Variants in PRELID2 observed in about 807,000 individuals in gnomAD.
The protein encoded by PRELID2 is PRELI domain containing 2.
Under a neutral mutation model 28.4 loss-of-function variants are expected in PRELID2, and 25 were observed. The ratio of observed to expected loss-of-function variants is 0.88; its 90% CI spans 0.64 to 1.23. PRELID2 has a LOEUF of 1.23. Among genes scored for constraint, PRELID2 ranks in the 50% most tolerant of loss-of-function variants. The probability of loss-of-function intolerance (pLI) is 0.00; values close to 1 mark genes in which losing one functional copy is unlikely to be tolerated. For synonymous variants in PRELID2, 76 were observed against 71.6 expected (o/e 1.06, Z -0.31); for missense variants, 201 against 214.4 (o/e 0.94, Z 0.39).
chr5:145,534,431 TA>T (rs781235610), intron 1 of PRELID2, among the ~76,000 whole-genome samples: 7 of 152,036 alleles, frequency 4.6e-5, no homozygotes, highest in African/African-American at 7.2e-5. Context: ...TGCAAATGTC[TA>T]AAAAGGGGCT....
intron 1 of PRELID2, among the ~76,000 whole-genome samples, chr5:145,738,514 T>C (rs978484235): frequency 6.6e-6 from 1 of 151,850 alleles, no homozygotes; most frequent in Non-Finnish European, 1.5e-5. Flanking sequence ...AATGGAAAAT[T>C]AGAACTGAAA....
At chr5:145,824,938 A>G (rs1024902119) in intron 1 of PRELID2, among the ~76,000 whole-genome samples, 3 of 152,050 alleles carry the variant, frequency 2.0e-5, no homozygotes, top group African/African-American at 7.2e-5. Flanking sequence ...AGAAAAAAAA[A>G]TGCTTGGCTG....
At chr5:145,449,294 G>T in the PRELID2 span, among the ~76,000 whole-genome samples, 1 of 152,098 alleles carries the variant, frequency 6.6e-6, no homozygotes, top group South Asian at 2.1e-4. Flanking sequence ...GATGGTGAAT[G>T]AGGGGGTTTT....
the PRELID2 span, among the ~76,000 whole-genome samples, chr5:145,460,454 T>C: frequency 6.6e-6 from 1 of 152,224 alleles, no homozygotes; most frequent in Admixed American, 6.5e-5. Flanking sequence ...AACACACTTA[T>C]TAATTTCCAT....
At chr5:145,712,622 T>A (rs970928813) in intron 1 of PRELID2, among the ~76,000 whole-genome samples, 11 of 152,174 alleles carry the variant, frequency 7.2e-5, no homozygotes, top group Non-Finnish European at 1.5e-4. Context: ...ATATATAATA[T>A]CCAGCATACA....
downstream of PRELID2, among the ~76,000 whole-genome samples, chr5:145,466,870 C>A (rs1469771237): frequency 6.6e-6 from 1 of 152,224 alleles, no homozygotes; most frequent in Admixed American, 6.6e-5. Context: ...ATGCCTCTAC[C>A]ATTACAACCT....
At chr5:145,503,813 G>A (rs1051435814) in intron 1 of PRELID2, among the ~76,000 whole-genome samples, 2 of 152,142 alleles carry the variant, frequency 1.3e-5, no homozygotes, top group Admixed American at 6.6e-5. Context: ...ATTCGATCAT[G>A]AATCATTTGT....
At chr5:145,327,036 C>A in the PRELID2 span, among the ~76,000 whole-genome samples, 3 of 151,936 alleles carry the variant, frequency 2.0e-5, no homozygotes, top group Non-Finnish European at 4.4e-5. Context: ...TGTTGAAATT[C>A]TAAAGTCTCA....
the PRELID2 span, among the ~76,000 whole-genome samples, chr5:145,295,567 G>A: frequency 0.067 from 10,229 of 152,126 alleles, 563 homozygotes; most frequent in African/African-American, 0.16. Context: ...TCCACAATGT[G>A]GATATAAGTA....
chr5:145,459,747 T>A, the PRELID2 span, among the ~76,000 whole-genome samples: 20 of 152,084 alleles, frequency 1.3e-4, no homozygotes, highest in African/African-American at 4.8e-4. Context: ...ATCTTCTTAC[T>A]TTTTCTTTAT....
chr5:145,776,095 C>T (rs1222523943), intron 5 of PRELID2, among the ~76,000 whole-genome samples: 2 of 152,196 alleles, frequency 1.3e-5, no homozygotes, highest in African/African-American at 2.4e-5. Context: ...TTGTTTTCCA[C>T]AGTTTCAGTT....
chr5:145,412,847 G>A, the PRELID2 span, among the ~76,000 whole-genome samples: 396 of 152,262 alleles, frequency 2.6e-3, 2 homozygotes, highest in African/African-American at 8.7e-3. Flanking sequence ...CAATCATGGC[G>A]GAAGGCACGT....
chr5:145,611,813 A>G (rs530749068), intron 1 of PRELID2, among the ~76,000 whole-genome samples: 1 of 152,212 alleles, frequency 6.6e-6, no homozygotes, highest in South Asian at 2.1e-4. Context: ...TAACACGTGT[A>G]TGAAATTGCA....
chr5:145,488,828 AT>A lies in PRELID2; in HGVS notation n.71-15514del, dbSNP rs199499050. On this transcript the variant is annotated intron_variant and non_coding_transcript_variant, in intron 1 of 2. Coordinates refer to the PRELID2 transcript ENST00000510259. ...TATTCACACATTTATGACAGTTGGT[AT>A]AAAGGACATTTTTTGTTGTTTTTAT... Among the ~76,000 whole-genome samples the A allele has an allele frequency of 8.7e-3, 1,319 of 152,266 alleles. 19 individuals carry two copies. Among genetic ancestry groups the A allele is most frequent in the African/African-American group, 0.031 (1,271 of 41,560 alleles).
chr5:145,530,657 G>A (rs910167145), intron 1 of PRELID2, among the ~76,000 whole-genome samples: 2 of 152,056 alleles, frequency 1.3e-5, no homozygotes, highest in African/African-American at 4.8e-5. Context: ...CAAACAGTAG[G>A]CTAAGAAATC....
the PRELID2 span, among the ~76,000 whole-genome samples, chr5:145,297,866 A>C: frequency 1.8e-4 from 27 of 152,132 alleles, no homozygotes; most frequent in African/African-American, 5.5e-4. Flanking sequence ...ACTCCCATTC[A>C]CAATTGCTTC....
chr5:145,454,459 G>T, the PRELID2 span, among the ~76,000 whole-genome samples: 1 of 152,168 alleles, frequency 6.6e-6, no homozygotes, highest in African/African-American at 2.4e-5. Context: ...GAAATAAAGG[G>T]TATTCAATTA....
intron 1 of PRELID2, among the ~76,000 whole-genome samples, chr5:145,547,095 C>T (rs1288435759): frequency 6.6e-6 from 1 of 152,188 alleles, no homozygotes; most frequent in Non-Finnish European, 1.5e-5. Context: ...GAGACTTCTT[C>T]AAACAAGAAT....
At chr5:145,801,163 T>C (rs1753113351) in intron 4 of PRELID2, among the ~76,000 whole-genome samples, 1 of 152,204 alleles carries the variant, frequency 6.6e-6, no homozygotes, top group African/African-American at 2.4e-5. Flanking sequence ...CACCAAAAAG[T>C]CTATTGAGTA....
Sources: allele counts gnomAD v4.1 joint callset (sites outside exome capture counted in the v4.1 genomes callset), GRCh38; gene constraint gnomAD v4.1.1; transcripts MANE v1.5; gene names NCBI Gene and HGNC (gene_info 2026-07-23, HGNC 2026-07-21).